Variants in PPIP5K2 observed in about 807,000 individuals in gnomAD.
PPIP5K2 encodes the protein diphosphoinositol pentakisphosphate kinase 2, also known as inositol hexakisphosphate and diphosphoinositol-pentakisphosphate kinase 2.
PPIP5K2 carries 105 observed loss-of-function variants against 154.6 expected under a neutral mutation model. The observed-to-expected ratio is 0.68, with a 90% CI of 0.58 to 0.80. The LOEUF (loss-of-function observed/expected upper bound fraction) is 0.80. Ranked by LOEUF, PPIP5K2 falls within the 30% of genes least tolerant of loss-of-function variation. The pLI, the probability that PPIP5K2 is intolerant of heterozygous loss-of-function variation, is 0.00. For synonymous variants in PPIP5K2, 480 were observed against 490.3 expected, an observed-to-expected ratio of 0.98 and a Z score of 0.28; for missense variants, 992 against 1,504.6, an observed-to-expected ratio of 0.66 and a Z score of 5.64.
At chr5:103,148,116 C>G in intron 7 of PPIP5K2, 84 bp downstream of exon 7, 1 of 950,150 alleles carries the variant, frequency 1.1e-6, no homozygotes, top group Non-Finnish European at 1.7e-6. Flanking sequence ...TTAGCTATAT[C>G]TAACCTTTAT....
In PPIP5K2 at chr5:103,183,360, C is replaced by T. The variant is rs781926344; in HGVS notation, c.3049C>T (p.Pro1017Ser). The change falls in exon 25 of 31, where the codon CCC becomes TCC. Residue 1017 changes from proline to serine, a missense_variant. Coordinates refer to ENST00000358359, the MANE Select transcript of PPIP5K2 (RefSeq NM_001276277.3). ...GEQITSSPVS[P>S]KSLAFTSSIF... ...ACAAATCACTTCTTCCCCTGTCTCC[C>T]CCAAATCATTGGCTTTCACATCCAG... 2 of 1,611,068 alleles carry T rather than the reference C, an allele frequency of 1.2e-6. No individual in the cohort carries two copies. The highest frequency in any genetic ancestry group is 2.2e-5 in the South Asian group (2 of 90,742).
intron 20 of PPIP5K2, among the ~76,000 whole-genome samples, chr5:103,173,649 T>A (rs532407227): frequency 6.6e-6 from 1 of 152,146 alleles, no homozygotes; most frequent in Admixed American, 6.6e-5. Flanking sequence ...ATTCTTTGAC[T>A]ACTCTCAGAG....
intron 17 of PPIP5K2, among the ~76,000 whole-genome samples, chr5:103,162,174 A>C (rs1796370078): frequency 1.3e-5 from 2 of 152,076 alleles, no homozygotes; most frequent in Admixed American, 1.3e-4. Flanking sequence ...TTGACCATTT[A>C]GATATCCTCT....
chr5:103,135,577 G>A (rs1379646833), intron 3 of PPIP5K2, among the ~76,000 whole-genome samples: 3 of 152,074 alleles, frequency 2.0e-5, no homozygotes, highest in African/African-American at 7.2e-5. Context: ...ACTACAGGTT[G>A]CACCACTACC....
rs1309774998 is a variant in PPIP5K2 at position 103,154,829 on chromosome 5, T to C, written c.1294-5T>C. 1.9e-6 allele frequency: 3 copies of C among 1,564,306 alleles called. No individual in the cohort carries two copies. In the African/African-American group the frequency reaches 4.1e-5, roughly 22 times the overall value. ...AATTCAATTTTTTATTAATTTATTT[T>C]ATAGGAAGTGCTAGATATTGCACGA... On this transcript the variant is annotated splice_region_variant and splice_polypyrimidine_tract_variant and intron_variant, in intron 12 of 30. Coordinates refer to ENST00000358359, the MANE Select transcript of PPIP5K2 (RefSeq NM_001276277.3).
intron 27 of PPIP5K2, among the ~76,000 whole-genome samples, chr5:103,186,922 A>G (rs1168707912): frequency 5.9e-5 from 9 of 152,016 alleles, no homozygotes; most frequent in Non-Finnish European, 8.8e-5. Flanking sequence ...TGTTGTTAAT[A>G]TACCTTAAGT....
chr5:103,159,032 T>C (rs1795829127), intron 16 of PPIP5K2, 114 bp from the exon 17 acceptor site: 1 of 735,302 alleles, frequency 1.4e-6, no homozygotes, highest in Non-Finnish European at 2.1e-6. Flanking sequence ...GTAGTATTAA[T>C]AAAGTTTATT....
At chr5:103,147,770 G>A (rs1793978368) in intron 6 of PPIP5K2, among the ~76,000 whole-genome samples, 161 bp from the exon 7 acceptor site, 1 of 151,900 alleles carries the variant, frequency 6.6e-6, no homozygotes, top group South Asian at 2.1e-4. Flanking sequence ...CTACTATAGT[G>A]CCAAGTATAT....
intron 7 of PPIP5K2, chr5:103,148,266 T>C (rs1395640746): frequency 2.0e-5 from 10 of 511,844 alleles, no homozygotes; most frequent in Non-Finnish European, 3.2e-5. Flanking sequence ...TGGAGACAAA[T>C]TTTATTCAAA....
chr5:103,153,815 A>G (rs1795000351), intron 10 of PPIP5K2, 33 bp from the exon 11 acceptor site: 1 of 1,444,644 alleles, frequency 6.9e-7, no homozygotes, highest in Admixed American at 1.9e-5. Context: ...TCTTTTTTAG[A>G]GAATTAAGAA....
At position 103,133,742 on chromosome 5, in the gene PPIP5K2, A is replaced by C. The variant is rs553617593; in HGVS notation, c.310+94A>C. The C allele has an allele frequency of 3.9e-6, 4 of 1,038,576 alleles. No homozygotes were observed. The African/African-American group carries it at 6.7e-5, about 17-fold the overall frequency. The allele number at this position is 1,038,576 out of a possible 1,614,324, so 64.3% of individuals were successfully genotyped here. A position where few individuals can be genotyped will look rare whatever the true frequency, so the allele number is the denominator to read the frequency against. ...AGACTATGAGATAAAACAGAAAAATAAACATTAACTCACTTTCATGGACAG... is the reference window on the plus strand; with the variant it reads ...AGACTATGAGATAAAACAGAAAAATCAACATTAACTCACTTTCATGGACAG... On this transcript the variant is annotated intron_variant, in intron 3 of 30. Transcript: ENST00000358359.
intron 17 of PPIP5K2, among the ~76,000 whole-genome samples, chr5:103,161,229 G>C (rs1441746573): frequency 1.3e-5 from 2 of 151,182 alleles, no homozygotes; most frequent in African/African-American, 2.4e-5. Flanking sequence ...TTGTCCTTTC[G>C]ATAGTTTGCT....
intron 5 of PPIP5K2, among the ~76,000 whole-genome samples, chr5:103,142,107 G>T (rs560336914): frequency 2.0e-5 from 3 of 152,182 alleles, no homozygotes; most frequent in Non-Finnish European, 4.4e-5. Flanking sequence ...GGGGAGGCTC[G>T]GGCCGCACAG....
chr5:103,180,032 G>A lies in PPIP5K2; in HGVS notation c.2766G>A (p.Arg922=). 1 of 1,537,052 alleles carries A rather than the reference G, an allele frequency of 6.5e-7. No homozygotes were observed. The highest frequency in any genetic ancestry group is 1.3e-5 in the South Asian group (1 of 77,970). ...TTCTTTGCTCACAGAATGAAGGCAG[G>A]AGACCTTTTAAAATTGATAATGATG... The part of the protein sequence containing the change: ...YRPASRENEG[R]RPFKIDNDDE... Residue 922 remains arginine, a synonymous_variant, in exon 24 of 31, where the codon AGG becomes AGA. Coordinates refer to ENST00000358359, the MANE Select transcript of PPIP5K2 (RefSeq NM_001276277.3).
In PPIP5K2 at chr5:103,190,932, C is replaced by T. The variant is rs781839348; in HGVS notation, c.3443C>T (p.Ala1148Val). The T allele has an allele frequency of 1.2e-5, 19 of 1,610,368 alleles. No individual in the cohort carries two copies. The highest frequency in any genetic ancestry group is 1.5e-5 in the Non-Finnish European group (18 of 1,177,978). ...LSLKQVDEFL[A>V]SIASPSSDVP... ...TTAAAGCAAGTGGATGAATTTCTTGCTTCCATTGCTTCTCCATCATCTGAC... is the reference window on the plus strand; with the variant it reads ...TTAAAGCAAGTGGATGAATTTCTTGTTTCCATTGCTTCTCCATCATCTGAC... Residue 1148 changes from alanine (A) to valine (V), a missense_variant, in exon 29 of 31, where the codon GCT becomes GTT. Ala to Val is a moderately conservative substitution (Grantham distance 64). Coordinates refer to ENST00000358359, the MANE Select transcript of PPIP5K2 (RefSeq NM_001276277.3).
At chr5:103,151,922 C>A (rs1462469326) in intron 9 of PPIP5K2, among the ~76,000 whole-genome samples, 1 of 151,920 alleles carries the variant, frequency 6.6e-6, no homozygotes, top group Non-Finnish European at 1.5e-5. Context: ...AGAAGACTAG[C>A]AAGGCAATAA....
In PPIP5K2 at chr5:103,143,391, G is replaced by T. The variant is rs74924893; in HGVS notation, c.488-3136G>T. Reference sequence around the variant, plus strand: ...TGTAGAGACAGGATCTCACTGTGTAGCCCAGGCTGGTTTCAAAACTCCTTG... The same window carrying T: ...TGTAGAGACAGGATCTCACTGTGTATCCCAGGCTGGTTTCAAAACTCCTTG... On this transcript the variant is annotated intron_variant, in intron 5 of 30. Transcript: ENST00000358359. Among the ~76,000 whole-genome samples, 712 of 152,262 alleles carry T rather than the reference G, an allele frequency of 4.7e-3. 6 individuals carry two copies. Among genetic ancestry groups the T allele is most frequent in the African/African-American group, 0.015 (630 of 41,546 alleles).
rs1440309414 is a variant in PPIP5K2 at position 103,158,208 on chromosome 5, T to A, written c.1510T>A (p.Ser504Thr). Residue 504 changes from serine to threonine, a missense_variant, in exon 15 of 31, where the codon TCT becomes ACT. By Grantham distance (58) the Ser-to-Thr change is moderately conservative. Coordinates refer to ENST00000358359, the MANE Select transcript of PPIP5K2 (RefSeq NM_001276277.3). ...EEEDSRREEPSLLLVLKWGGE... is the reference protein window; with the variant it reads ...EEEDSRREEPTLLLVLKWGGE... ...CATAGACAGCCGAAGAGAAGAACCA[T>A]CTTTACTTTTGGTTCTAAAATGGGG... is the stretch of plus-strand genomic sequence containing the variant. 1.4e-5 allele frequency: 22 copies of A among 1,613,290 alleles called. No homozygotes were observed. The highest frequency in any genetic ancestry group is 1.8e-5 in the Non-Finnish European group (21 of 1,179,216).
chr5:103,139,237 A>T (rs76031719), intron 5 of PPIP5K2, among the ~76,000 whole-genome samples: 6,443 of 152,224 alleles, frequency 0.042, 444 homozygotes, highest in African/African-American at 0.15. Context: ...ATTGTGGGGA[A>T]TTTTGATGAA....
Sources: allele counts gnomAD v4.1 joint callset (sites outside exome capture counted in the v4.1 genomes callset), GRCh38; gene constraint gnomAD v4.1.1; transcripts MANE v1.5; gene names NCBI Gene and HGNC (gene_info 2026-07-23, HGNC 2026-07-21).